The following NECAB1 variants were observed in gnomAD, a reference collection of about 807,000 sequenced individuals.
NECAB1 encodes the protein N-terminal EF-hand calcium binding protein 1.
Under a neutral mutation model 57.5 loss-of-function variants are expected in NECAB1, and 29 were observed. That is an observed-to-expected ratio of 0.50 (90% confidence interval 0.38 to 0.69). NECAB1 has a LOEUF of 0.69. Ranked by LOEUF, NECAB1 falls within the 30% of genes least tolerant of loss-of-function variation. The pLI, the probability that NECAB1 is intolerant of heterozygous loss-of-function variation, is 0.00. For synonymous variants in NECAB1, 142 were observed against 147.7 expected (o/e 0.96, Z 0.28); for missense variants, 372 against 413.8 (o/e 0.90, Z 0.88).
chr8:90,791,869 C>T lies in NECAB1; in HGVS notation c.-18C>T. 1 of 1,543,796 alleles carries T rather than the reference C, an allele frequency of 6.5e-7. No individual in the cohort carries two copies. On this transcript the variant is annotated 5_prime_UTR_variant, in exon 1 of 13. Coordinates refer to ENST00000417640, the MANE Select transcript of NECAB1 (RefSeq NM_022351.5). ...CCGCCTAGCCCCGCTCCGCCTGAGG[C>T]CGTCAGGGCTCCCGAGGATGGAAGA...
chr8:90,880,233 CTA>C (rs1252405744), intron 4 of NECAB1, among the ~76,000 whole-genome samples: 2 of 151,990 alleles, frequency 1.3e-5, no homozygotes, highest in Non-Finnish European at 2.9e-5. Context: ...TGGCAATAAA[CTA>C]CAGTTCATCC....
At chr8:90,942,939 C>T (rs1225558098) in intron 10 of NECAB1, among the ~76,000 whole-genome samples, 2 of 152,022 alleles carry the variant, frequency 1.3e-5, no homozygotes, top group Non-Finnish European at 2.9e-5. Flanking sequence ...GTGTAAACTT[C>T]CCAAAATAGA....
In NECAB1 at chr8:90,917,515, G is replaced by T. The variant is rs764628510; in HGVS notation, c.381G>T (p.Leu127Phe). The change falls in exon 6 of 13, where the codon TTG (leucine) becomes TTT (phenylalanine). Residue 127 changes from leucine to phenylalanine, a missense_variant. Physicochemically the swap from Leu to Phe is conservative, Grantham distance 22 (BLOSUM62 0). Coordinates refer to ENST00000417640, the MANE Select transcript of NECAB1 (RefSeq NM_022351.5). ...TKKDYQEASNLEQFVTRFLLK... is the reference protein window; with the variant it reads ...TKKDYQEASNFEQFVTRFLLK... ...AGGACTACCAAGAAGCCTCCAATTTGGAACAATTCGTAACTAGATTTTTAT... is the reference window on the plus strand; with the variant it reads ...AGGACTACCAAGAAGCCTCCAATTTTGAACAATTCGTAACTAGATTTTTAT... 6.2e-7 allele frequency: 1 copy of T among 1,609,548 alleles called. No homozygotes were observed. Among genetic ancestry groups the T allele is most frequent in the South Asian group, 1.1e-5 (1 of 90,524 alleles).
intron 5 of NECAB1, 91 bp downstream of exon 5, chr8:90,881,221 C>A (rs1808829468): frequency 8.4e-6 from 7 of 828,862 alleles, no homozygotes; most frequent in East Asian, 5.5e-5. Flanking sequence ...ACTATAGATT[C>A]TTTATTATCA....
At chr8:90,835,519 G>A (rs1453685420) in intron 3 of NECAB1, among the ~76,000 whole-genome samples, 1 of 151,708 alleles carries the variant, frequency 6.6e-6, no homozygotes, top group Non-Finnish European at 1.5e-5. Context: ...GCGGAATTTA[G>A]GACTAATATA....
chr8:90,858,752 G>T (rs554655192), intron 3 of NECAB1, among the ~76,000 whole-genome samples: 6 of 152,040 alleles, frequency 3.9e-5, no homozygotes, highest in Non-Finnish European at 8.8e-5. Context: ...CATTCCATTG[G>T]CTCGTAACTA....
chr8:90,911,248 G>A (rs1007130287), intron 5 of NECAB1, among the ~76,000 whole-genome samples: 5 of 151,978 alleles, frequency 3.3e-5, no homozygotes, highest in Admixed American at 2.6e-4. Flanking sequence ...TACATATAAA[G>A]ATATAGGAGA....
intron 3 of NECAB1, among the ~76,000 whole-genome samples, chr8:90,831,853 A>G (rs1049665624): frequency 1.3e-5 from 2 of 152,162 alleles, no homozygotes; most frequent in African/African-American, 4.8e-5. Context: ...AAATTCTCAC[A>G]TACTGTGCTA....
chr8:90,864,847 G>C (rs1808480325), intron 3 of NECAB1, among the ~76,000 whole-genome samples: 1 of 152,080 alleles, frequency 6.6e-6, no homozygotes, highest in Non-Finnish European at 1.5e-5. Context: ...GAGCCTAAGA[G>C]AGCAGACATA....
intron 5 of NECAB1, among the ~76,000 whole-genome samples, chr8:90,894,898 TG>T (rs1809284131): frequency 6.6e-6 from 1 of 152,190 alleles, no homozygotes; most frequent in Non-Finnish European, 1.5e-5. Flanking sequence ...AGATAATAAG[TG>T]TAAGTGCTTC....
chr8:90,804,002 T>C (rs1811808189), intron 2 of NECAB1, among the ~76,000 whole-genome samples: 1 of 152,188 alleles, frequency 6.6e-6, no homozygotes, highest in South Asian at 2.1e-4. Flanking sequence ...CTTTGGCACA[T>C]ATTGATTATT....
intron 6 of NECAB1, among the ~76,000 whole-genome samples, chr8:90,922,989 G>A (rs1228496725): frequency 6.6e-6 from 1 of 152,174 alleles, no homozygotes; most frequent in African/African-American, 2.4e-5. Flanking sequence ...CTTGGAAGGT[G>A]GAGAGAAGGT....
At chr8:90,952,092 G>A (rs972328752) in intron 12 of NECAB1, among the ~76,000 whole-genome samples, 1 of 152,060 alleles carries the variant, frequency 6.6e-6, no homozygotes, top group Non-Finnish European at 1.5e-5. Context: ...ACAGCAACCT[G>A]GAGTAATTTA....
chr8:90,944,448 TACAC>T (rs1810750000), intron 10 of NECAB1, among the ~76,000 whole-genome samples: 1 of 152,234 alleles, frequency 6.6e-6, no homozygotes, highest in Admixed American at 6.5e-5. Flanking sequence ...TTATAACATA[TACAC>T]ACACATTGTT....
chr8:90,874,369 T>C (rs553613360), intron 4 of NECAB1, among the ~76,000 whole-genome samples: 43 of 152,332 alleles, frequency 2.8e-4, no homozygotes, highest in African/African-American at 1.0e-3. Context: ...ATTTAAAATA[T>C]TTATTTTGAA....
chr8:90,848,949 CTCAA>C (rs1045889638), intron 3 of NECAB1, among the ~76,000 whole-genome samples: 4 of 152,198 alleles, frequency 2.6e-5, no homozygotes, highest in African/African-American at 9.7e-5. Flanking sequence ...GAGACTCCAT[CTCAA>C]TCAATCAATA....
intron 9 of NECAB1, among the ~76,000 whole-genome samples, chr8:90,938,814 A>C (rs745799812): frequency 6.6e-6 from 1 of 152,168 alleles, no homozygotes; most frequent in Non-Finnish European, 1.5e-5. Context: ...TAACATAATA[A>C]TGCATCCCCA....
intron 2 of NECAB1, among the ~76,000 whole-genome samples, chr8:90,817,374 G>T (rs1446622734): frequency 2.0e-5 from 3 of 151,456 alleles, no homozygotes; most frequent in Non-Finnish European, 4.4e-5. Context: ...TGGTGAAAAA[G>T]GATACTTCCT....
At chr8:90,918,152 G>A (rs957108649) in intron 6 of NECAB1, among the ~76,000 whole-genome samples, 2 of 150,690 alleles carry the variant, frequency 1.3e-5, no homozygotes, top group Non-Finnish European at 3.0e-5. Context: ...TGGGATTACA[G>A]GCACACACCA....
Sources: gnomAD v4.1 joint callset for allele counts (sites outside exome capture counted in the v4.1 genomes callset) on GRCh38, gnomAD v4.1.1 for gene constraint, MANE v1.5 for transcripts, NCBI Gene and HGNC (gene_info 2026-07-23, HGNC 2026-07-21) for gene names.